Variants in SEC24B observed in about 807,000 individuals in gnomAD.
SEC24B encodes the protein SEC24 homolog B, COPII component.
Under a neutral mutation model 142.8 loss-of-function variants are expected in SEC24B, and 45 were observed. That is an observed-to-expected ratio of 0.32 (90% CI 0.25 to 0.40). The LOEUF is 0.40. SEC24B is among the 10% of genes least tolerant of loss of function. The probability of loss-of-function intolerance (pLI) is 1.00; values close to 1 mark genes in which losing one functional copy is unlikely to be tolerated. For missense variants in SEC24B, 1,409 were observed against 1,526.8 expected, an observed-to-expected ratio of 0.92 and a Z score of 1.29; for synonymous variants, 574 against 568.2, an observed-to-expected ratio of 1.01 and a Z score of -0.15.
chr4:109,539,438 T>C (rs1034172290), intron 23 of SEC24B, 123 bp from the exon 24 acceptor site: 6 of 663,414 alleles, frequency 9.0e-6, no homozygotes, highest in African/African-American at 5.5e-5. Flanking sequence ...TTTAGAAATA[T>C]GCACTTTTAT....
chr4:109,438,749 AAG>A, intron 1 of SEC24B, among the ~76,000 whole-genome samples: 1 of 152,352 alleles, frequency 6.6e-6, no homozygotes, highest in East Asian at 1.9e-4. Context: ...CACTTATTCG[AAG>A]ATACAGCTTG....
chr4:109,501,176 T>G (rs1487404881), intron 6 of SEC24B, among the ~76,000 whole-genome samples: 1 of 152,224 alleles, frequency 6.6e-6, no homozygotes, highest in East Asian at 1.9e-4. Context: ...TTTTTCTATG[T>G]TTAGATATAC....
intron 6 of SEC24B, among the ~76,000 whole-genome samples, chr4:109,505,957 A>G (rs1352675058): frequency 6.6e-6 from 1 of 152,186 alleles, no homozygotes; most frequent in Non-Finnish European, 1.5e-5. Context: ...ATTGAACACG[A>G]TTGTACATTT....
In SEC24B at chr4:109,530,383, C is replaced by A; in HGVS notation, c.3171C>A (p.Val1057=). 1.9e-6 allele frequency: 3 copies of A among 1,614,134 alleles called. No homozygotes were observed. The highest frequency in any genetic ancestry group is 2.5e-6 in the Non-Finnish European group (3 of 1,180,020). Residue 1057 remains valine, a synonymous_variant, in exon 19 of 24, where the codon GTC becomes GTA. Coordinates refer to ENST00000265175, the MANE Select transcript of SEC24B (RefSeq NM_006323.5). ...VDSLSAYGST[V]SNLQHSALMA... ...CATTGTCTGCATATGGCTCAACTGTCTCAAATTTACAGCACTCTGCATTGA... is the reference window on the plus strand; with the variant it reads ...CATTGTCTGCATATGGCTCAACTGTATCAAATTTACAGCACTCTGCATTGA...
intron 14 of SEC24B, among the ~76,000 whole-genome samples, chr4:109,523,256 G>T (rs1272276936): frequency 1.3e-5 from 2 of 152,082 alleles, no homozygotes; most frequent in African/African-American, 2.4e-5. Context: ...GATCACTTGA[G>T]TTCAGGAGTT....
At chr4:109,525,086 A>G (rs1010118598) in intron 15 of SEC24B, 145 bp downstream of exon 15, 10 of 783,312 alleles carry the variant, frequency 1.3e-5, no homozygotes, top group Non-Finnish European at 1.9e-5. Context: ...ACTACCAGTA[A>G]AGTTTAAAGC....
chr4:109,444,485 T>TTC, intron 1 of SEC24B, among the ~76,000 whole-genome samples: 1 of 151,544 alleles, frequency 6.6e-6, no homozygotes, highest in East Asian at 1.9e-4. Context: ...TTTTTTTTTT[T>TTC]TTTTTTTTGG....
chr4:109,507,374 A>G (rs1736806564), intron 7 of SEC24B, among the ~76,000 whole-genome samples: 1 of 150,568 alleles, frequency 6.6e-6, no homozygotes, highest in African/African-American at 2.4e-5. Flanking sequence ...TCCCAGGTTC[A>G]AGTGATTCTC....
At chr4:109,441,005 C>G (rs920628353) in intron 1 of SEC24B, among the ~76,000 whole-genome samples, 6 of 152,152 alleles carry the variant, frequency 3.9e-5, no homozygotes, top group Non-Finnish European at 7.4e-5. Flanking sequence ...GGTAATAGGC[C>G]ATCTATTTTA....
At chr4:109,508,273 GT>G (rs1237094646) in intron 7 of SEC24B, among the ~76,000 whole-genome samples, 8 of 152,106 alleles carry the variant, frequency 5.3e-5, no homozygotes, top group Admixed American at 1.3e-4. Context: ...GTAGGTAAAT[GT>G]AGCGTATGGG....
chr4:109,490,311 C>T (rs191952138), intron 4 of SEC24B, among the ~76,000 whole-genome samples: 2 of 151,982 alleles, frequency 1.3e-5, no homozygotes, highest in African/African-American at 4.8e-5. Context: ...AGTCGGTATA[C>T]CTGATTCTCA....
intron 7 of SEC24B, among the ~76,000 whole-genome samples, chr4:109,508,235 G>T (rs751492214): frequency 1.3e-5 from 2 of 152,126 alleles, no homozygotes; most frequent in Non-Finnish European, 2.9e-5. Flanking sequence ...TTATGACCTT[G>T]TAGTATAAAA....
intron 6 of SEC24B, among the ~76,000 whole-genome samples, chr4:109,499,628 C>T (rs1181538029): frequency 6.6e-6 from 1 of 152,192 alleles, no homozygotes; most frequent in Admixed American, 6.5e-5. Context: ...GGAGCTGAAA[C>T]ATTCCTGTCA....
chr4:109,464,126 C>T (rs778589749), intron 2 of SEC24B, among the ~76,000 whole-genome samples: 18 of 152,180 alleles, frequency 1.2e-4, no homozygotes, highest in East Asian at 3.9e-4. Context: ...CTTTCCTGCA[C>T]GTAAACAGTG....
intron 1 of SEC24B, among the ~76,000 whole-genome samples, chr4:109,455,882 G>C (rs538226031): frequency 3.9e-5 from 6 of 151,952 alleles, no homozygotes; most frequent in Non-Finnish European, 7.4e-5. Flanking sequence ...TATTACTATA[G>C]AAATTTTAGA....
chr4:109,513,778 C>G lies in SEC24B; in HGVS notation c.1935C>G (p.Thr645=). The change falls in exon 10 of 24, where the codon ACC becomes ACG. Residue 645 remains threonine (T), a synonymous_variant. Transcript: ENST00000265175. ...AAGAATTTATGTATAACCCCCTTAC[C>G]CGATCTTATGGAGAGCCTCATAAAC... is the stretch of plus-strand genomic sequence containing the variant. ...VPEEFMYNPL[T]RSYGEPHKRP... is the part of the protein sequence containing the mutation. 6.2e-7 allele frequency: 1 copy of G among 1,612,922 alleles called. No individual in the cohort carries two copies. Among genetic ancestry groups the G allele is most frequent in the Non-Finnish European group, 8.5e-7 (1 of 1,179,100 alleles).
chr4:109,526,232 C>CGAA lies in SEC24B; in HGVS notation c.2798_2799insGAA (p.Ser933_Met934insLys). On this transcript the variant is annotated inframe_insertion, in exon 17 of 24. Transcript: ENST00000265175. The stretch of plus-strand genomic sequence containing the variant: ...ATGATTTTCTCCTTTTTAGGTCTTT[C>CGAA]AATGCACACTTTTCACGGTAACTTC... The CGAA allele has an allele frequency of 6.2e-7, 1 of 1,612,998 alleles. No individual in the cohort carries two copies. The highest frequency in any genetic ancestry group is 8.5e-7 in the Non-Finnish European group (1 of 1,179,590).
intron 8 of SEC24B, among the ~76,000 whole-genome samples, chr4:109,510,353 A>G (rs1011651670): frequency 6.6e-6 from 1 of 152,232 alleles, no homozygotes; most frequent in Non-Finnish European, 1.5e-5. Flanking sequence ...TTCTTATCTA[A>G]CAGGGAACAA....
chr4:109,528,754 A>G (rs932037430), intron 18 of SEC24B, among the ~76,000 whole-genome samples: 6 of 152,070 alleles, frequency 3.9e-5, no homozygotes, highest in Non-Finnish European at 5.9e-5. Context: ...GAACTTAGAC[A>G]TGAAACAAGC....
Sources: allele counts gnomAD v4.1 joint callset (sites outside exome capture counted in the v4.1 genomes callset), GRCh38; gene constraint gnomAD v4.1.1; transcripts MANE v1.5; gene names NCBI Gene and HGNC (gene_info 2026-07-23, HGNC 2026-07-21).